Variants in APBB2 observed in about 807,000 individuals in gnomAD.
APBB2 encodes the protein amyloid beta precursor protein binding family B member 2.
APBB2 carries 38 observed loss-of-function variants against 82.5 expected under a neutral mutation model. The observed-to-expected ratio is 0.46, with a 90% CI of 0.36 to 0.60. The LOEUF (loss-of-function observed/expected upper bound fraction) is 0.60, where lower values mean the gene tolerates loss of function less well. Among genes scored for constraint, APBB2 ranks in the 20% least tolerant of loss-of-function variants. The probability of loss-of-function intolerance (pLI) is 0.00; values close to 1 mark genes in which losing one functional copy is unlikely to be tolerated. For synonymous variants in APBB2, 341 were observed against 368.2 expected (o/e 0.93, Z 0.85); for missense variants, 772 against 972.3 (o/e 0.79, Z 2.74).
At chr4:41,038,982 C>A (rs1720330024) in intron 4 of APBB2, among the ~76,000 whole-genome samples, 2 of 152,324 alleles carry the variant, frequency 1.3e-5, no homozygotes, top group South Asian at 4.1e-4. Flanking sequence ...ATGATTTGCA[C>A]TGCTGCCAAT....
chr4:41,101,097 T>C (rs1745171374), intron 2 of APBB2, among the ~76,000 whole-genome samples: 1 of 152,052 alleles, frequency 6.6e-6, no homozygotes. Flanking sequence ...GGAAGGAAGG[T>C]CTTCCGAAAT....
At chr4:41,201,070 C>A (rs1776574438) in intron 1 of APBB2, among the ~76,000 whole-genome samples, 1 of 152,144 alleles carries the variant, frequency 6.6e-6, no homozygotes, top group Non-Finnish European at 1.5e-5. Flanking sequence ...TGAGATAATC[C>A]ATGCAGTGCA....
intron 5 of APBB2, among the ~76,000 whole-genome samples, chr4:41,024,193 T>C (rs1362285762): frequency 6.6e-6 from 1 of 152,150 alleles, no homozygotes. Context: ...CAAGATGAAT[T>C]AAACACTTAA....
rs146464094 is a variant in APBB2, at chr4:41,059,518, G to A, written c.-51+6058C>T. 7.7e-3 allele frequency among the ~76,000 whole-genome samples: 1,175 copies of A among 152,374 alleles called. 16 individuals are homozygous for A. Among genetic ancestry groups the A allele is most frequent in the African/African-American group, 0.026 (1,094 of 41,580 alleles). On this transcript the variant is annotated intron_variant, in intron 4 of 17. Transcript: ENST00000508593. ...CCAAGCTGGAAGGTTGTGGGTTTAC[G>A]CGAATGAGGGCAAGGAACACCTGGC... is the stretch of plus-strand genomic sequence containing the variant.
chr4:41,180,841 A>G (rs904759342), intron 1 of APBB2, among the ~76,000 whole-genome samples: 2 of 152,142 alleles, frequency 1.3e-5, no homozygotes, highest in Non-Finnish European at 2.9e-5. Context: ...CTTCTCCTGT[A>G]TTAAATCCAA....
rs1355410567 is a variant in APBB2 at position 40,815,458 on chromosome 4, A to G, written c.*634T>C. ...AATTTTGAAGTTTCATTTTTTTCCAACATCCCACAAACAGCTGTAGACATG... is the reference window on the plus strand; with the variant it reads ...AATTTTGAAGTTTCATTTTTTTCCAGCATCCCACAAACAGCTGTAGACATG... On this transcript the variant is annotated 3_prime_UTR_variant, in exon 18 of 18. Coordinates refer to ENST00000508593, the MANE Select transcript of APBB2 (RefSeq NM_004307.2). 1 of 152,504 alleles carries G rather than the reference A, an allele frequency of 6.6e-6. No homozygotes were observed. Among genetic ancestry groups the G allele is most frequent in the Non-Finnish European group, 1.5e-5 (1 of 68,040 alleles). The allele number at this position is 152,504 out of a possible 1,614,324, so 9.4% of individuals were successfully genotyped here.
chr4:40,924,889 C>T (rs1271349086), intron 10 of APBB2, among the ~76,000 whole-genome samples: 1 of 152,246 alleles, frequency 6.6e-6, no homozygotes, highest in Non-Finnish European at 1.5e-5. Context: ...TGGACCTCAT[C>T]TTAACAGATC....
intron 10 of APBB2, among the ~76,000 whole-genome samples, chr4:40,898,988 G>A (rs1774506608): frequency 6.6e-6 from 1 of 152,080 alleles, no homozygotes; most frequent in Non-Finnish European, 1.5e-5. Context: ...TGTGATCTGG[G>A]AGCCACACCT....
intron 1 of APBB2, among the ~76,000 whole-genome samples, chr4:41,196,787 C>A: frequency 2.0e-5 from 3 of 151,882 alleles, no homozygotes; most frequent in African/African-American, 4.8e-5. Flanking sequence ...TGGAAATAAT[C>A]CTCCTCTTCA....
chr4:40,827,715 T>C (rs1205102298), intron 13 of APBB2, among the ~76,000 whole-genome samples: 1 of 151,964 alleles, frequency 6.6e-6, no homozygotes, highest in Non-Finnish European at 1.5e-5. Flanking sequence ...CACACGGAGG[T>C]GGTTAACAGT....
intron 6 of APBB2, among the ~76,000 whole-genome samples, chr4:40,976,177 G>A (rs2154400825): frequency 6.6e-6 from 1 of 151,942 alleles, no homozygotes. Flanking sequence ...ATAAAATTCA[G>A]TGCTACAGAG....
At chr4:41,140,630 G>C (rs1269851363) in intron 2 of APBB2, among the ~76,000 whole-genome samples, 2 of 152,270 alleles carry the variant, frequency 1.3e-5, no homozygotes, top group South Asian at 2.1e-4. Context: ...TTAGGAACCA[G>C]GCTGCATAGC....
chr4:41,138,831 A>C (rs1758304675), intron 2 of APBB2, among the ~76,000 whole-genome samples: 1 of 152,196 alleles, frequency 6.6e-6, no homozygotes, highest in South Asian at 2.1e-4. Context: ...TATAGAAAAT[A>C]CTAGCAAAGT....
At chr4:40,989,184 CTA>C (rs1353324273) in intron 6 of APBB2, among the ~76,000 whole-genome samples, 3 of 152,184 alleles carry the variant, frequency 2.0e-5, no homozygotes, top group Non-Finnish European at 2.9e-5. Context: ...TAGGAGGCAG[CTA>C]TCCCATGTTG....
intron 1 of APBB2, among the ~76,000 whole-genome samples, chr4:41,151,550 A>G (rs1186149379): frequency 2.0e-5 from 3 of 152,222 alleles, no homozygotes; most frequent in African/African-American, 7.2e-5. Context: ...GAAGTTTCTT[A>G]GAAAAGATCT....
intron 10 of APBB2, among the ~76,000 whole-genome samples, chr4:40,919,521 A>G (rs761422280): frequency 4.5e-4 from 69 of 152,206 alleles, no homozygotes; most frequent in Non-Finnish European, 8.4e-4. Context: ...AATTTAAGCT[A>G]TGACATACTG....
intron 3 of APBB2, among the ~76,000 whole-genome samples, chr4:41,093,061 T>C (rs73810825): frequency 0.049 from 7,436 of 152,264 alleles, 373 homozygotes; most frequent in African/African-American, 0.13. Flanking sequence ...AAACGAGCTA[T>C]AAAACTTTCC....
intron 13 of APBB2, among the ~76,000 whole-genome samples, chr4:40,828,956 G>T (rs1750909587): frequency 6.6e-6 from 1 of 152,188 alleles, no homozygotes; most frequent in African/African-American, 2.4e-5. Flanking sequence ...GCCTGGGTTG[G>T]GTCTTGACGG....
chr4:41,146,807 G>A (rs913356808), intron 1 of APBB2, among the ~76,000 whole-genome samples: 2 of 152,102 alleles, frequency 1.3e-5, no homozygotes, highest in African/African-American at 4.8e-5. Context: ...CTCCCTTCTC[G>A]TCATCCTTTC....
Sources: gnomAD v4.1 joint callset for allele counts (sites outside exome capture counted in the v4.1 genomes callset) on GRCh38, gnomAD v4.1.1 for gene constraint, MANE v1.5 for transcripts, NCBI Gene and HGNC (gene_info 2026-07-23, HGNC 2026-07-21) for gene names.